The following NME7 variants were observed in gnomAD, a reference collection of about 807,000 sequenced individuals.
The protein encoded by NME7 is nucleoside diphosphate kinase 7.
In NME7, 41 loss-of-function variants were observed where a neutral mutation model predicts 49.1. That is an observed-to-expected ratio of 0.83 (90% confidence interval 0.65 to 1.08). The LOEUF is 1.08. NME7 is among the 50% of genes least tolerant of loss of function. The pLI is 0.00. For synonymous variants in NME7, 139 were observed against 150.6 expected (o/e 0.92, Z 0.56); for missense variants, 423 against 463.4 (o/e 0.91, Z 0.80).
At chr1:169,356,577 A>C (rs1368279401) in intron 1 of NME7, among the ~76,000 whole-genome samples, 1 of 152,194 alleles carries the variant, frequency 6.6e-6, no homozygotes, top group Non-Finnish European at 1.5e-5. Context: ...TTATATGAAT[A>C]AGAACTACCT....
In NME7 at chr1:169,267,481, T is replaced by C. The variant is rs1020496787; in HGVS notation, c.754+19822A>G. Among the ~76,000 whole-genome samples the C allele has an allele frequency of 1.8e-4, 24 of 133,356 alleles. 7 individuals are homozygous for C. Among genetic ancestry groups the C allele is most frequent in the East Asian group, 4.0e-4 (2 of 5,044 alleles). 87.5% of individuals were successfully genotyped at this position (133,356 alleles called of 152,430 possible). A position where few individuals can be genotyped will look rare whatever the true frequency, so the allele number is the denominator to read the frequency against. On this transcript the variant is annotated intron_variant, in intron 7 of 11. Coordinates refer to ENST00000367811, the MANE Select transcript of NME7 (RefSeq NM_013330.5). ...GCCAAGGGAACCCTAAGCAAAAAGA[T>C]CAAAGCTGGAGGAATCATATTGTCC...
At chr1:169,204,722 T>G (rs1009973684) in intron 10 of NME7, among the ~76,000 whole-genome samples, 1 of 152,102 alleles carries the variant, frequency 6.6e-6, no homozygotes, top group African/African-American at 2.4e-5. Flanking sequence ...TATTTTGCCA[T>G]TGTCTGTAAA....
intron 11 of NME7, among the ~76,000 whole-genome samples, chr1:169,165,626 G>C (rs1659388501): frequency 6.6e-6 from 1 of 152,184 alleles, no homozygotes; most frequent in South Asian, 2.1e-4. Flanking sequence ...CTAATGAAGA[G>C]CTGATCCTAG....
At chr1:169,134,430 ATACT>A (rs1183809321) in intron 11 of NME7, among the ~76,000 whole-genome samples, 1 of 152,218 alleles carries the variant, frequency 6.6e-6, no homozygotes, top group African/African-American at 2.4e-5. Context: ...GTCCTGTCAA[ATACT>A]TAATTCCTTA....
intron 7 of NME7, among the ~76,000 whole-genome samples, chr1:169,241,156 G>A (rs1469497500): frequency 6.6e-6 from 1 of 152,054 alleles, no homozygotes; most frequent in Admixed American, 6.6e-5. Flanking sequence ...ACTTCACACA[G>A]AGTATTAAAA....
At chr1:169,336,927 G>A (rs1652500554) in intron 1 of NME7, among the ~76,000 whole-genome samples, 1 of 152,230 alleles carries the variant, frequency 6.6e-6, no homozygotes, top group Non-Finnish European at 1.5e-5. Flanking sequence ...TAGATACAGA[G>A]TGCCGATTGG....
chr1:169,319,637 A>G (rs1380200075), intron 3 of NME7, among the ~76,000 whole-genome samples: 1 of 152,190 alleles, frequency 6.6e-6, no homozygotes, highest in East Asian at 1.9e-4. Context: ...GGAGCCTCAA[A>G]TAACTTGGGC....
intron 7 of NME7, among the ~76,000 whole-genome samples, chr1:169,247,488 A>AT: frequency 6.6e-6 from 1 of 152,174 alleles, no homozygotes; most frequent in African/African-American, 2.4e-5. Context: ...AGTTTTTAAA[A>AT]TTTTTTTATT....
chr1:169,158,376 A>C (rs1659145692), intron 11 of NME7, among the ~76,000 whole-genome samples: 1 of 152,172 alleles, frequency 6.6e-6, no homozygotes, highest in Non-Finnish European at 1.5e-5. Context: ...AAAACTTTTT[A>C]TTTTTTAATT....
intron 10 of NME7, among the ~76,000 whole-genome samples, chr1:169,228,683 CAAAAAAAAAAAAAA>C (rs747705690): frequency 1.1e-5 from 1 of 90,426 alleles, no homozygotes; most frequent in Non-Finnish European, 2.1e-5. Context: ...GACTCCGTCT[CAAAAAAAAAAAAAA>C]AAAAAAAAAG....
intron 1 of NME7, among the ~76,000 whole-genome samples, chr1:169,348,824 C>T (rs1415202845): frequency 6.6e-6 from 1 of 151,122 alleles, no homozygotes; most frequent in Non-Finnish European, 1.5e-5. Flanking sequence ...CACCTATATC[C>T]ACTAGAAACT....
chr1:169,186,895 T>A (rs547735425), intron 10 of NME7, among the ~76,000 whole-genome samples: 2 of 152,322 alleles, frequency 1.3e-5, no homozygotes, highest in Admixed American at 1.3e-4. Flanking sequence ...TTTAGTGCTA[T>A]CAATTTCCCT....
chr1:169,256,781 C>G (rs1167512645), intron 7 of NME7, among the ~76,000 whole-genome samples: 1 of 129,038 alleles, frequency 7.7e-6, no homozygotes, highest in East Asian at 2.1e-4. Flanking sequence ...TTCCTTCTAA[C>G]AGACAGGACC....
At chr1:169,247,598 T>C (rs1363178859) in intron 7 of NME7, among the ~76,000 whole-genome samples, 2 of 152,106 alleles carry the variant, frequency 1.3e-5, no homozygotes, top group African/African-American at 4.8e-5. Context: ...GTAGTGTACA[T>C]TGTACCCAAT....
chr1:169,227,402 T>G (rs1374350024), intron 10 of NME7, among the ~76,000 whole-genome samples: 1 of 152,176 alleles, frequency 6.6e-6, no homozygotes, highest in Non-Finnish European at 1.5e-5. Context: ...TTGTCACATA[T>G]CTTAGTCCAT....
At chr1:169,252,029 A>G (rs1648648439) in intron 7 of NME7, among the ~76,000 whole-genome samples, 1 of 147,232 alleles carries the variant, frequency 6.8e-6, no homozygotes, top group African/African-American at 2.5e-5. Flanking sequence ...ATACGTGTGC[A>G]TGTGTCTTTA....
At chr1:169,366,556 A>C (rs1249164284) in intron 1 of NME7, among the ~76,000 whole-genome samples, 3 of 152,216 alleles carry the variant, frequency 2.0e-5, no homozygotes, top group African/African-American at 7.2e-5. Context: ...GAAAAAAACA[A>C]CTGGAAGCGA....
chr1:169,140,303 G>A (rs748291335), intron 11 of NME7, among the ~76,000 whole-genome samples: 5 of 152,016 alleles, frequency 3.3e-5, no homozygotes, highest in Non-Finnish European at 7.4e-5. Flanking sequence ...AACAGAAAGA[G>A]TACTAGATTT....
At chr1:169,226,179 G>GA (rs1335218800) in intron 10 of NME7, among the ~76,000 whole-genome samples, 2 of 152,102 alleles carry the variant, frequency 1.3e-5, no homozygotes, top group African/African-American at 4.8e-5. Context: ...ATGAAGAAAT[G>GA]AATTTCTAAA....
Sources: allele counts gnomAD v4.1 joint callset (sites outside exome capture counted in the v4.1 genomes callset), GRCh38; gene constraint gnomAD v4.1.1; transcripts MANE v1.5; gene names NCBI Gene and HGNC (gene_info 2026-07-23, HGNC 2026-07-21).